The following MYO16 variants were observed in gnomAD, a reference collection of about 807,000 sequenced individuals.
The protein encoded by MYO16 is unconventional myosin-XVI.
Under a neutral mutation model 205.3 loss-of-function variants are expected in MYO16, and 94 were observed. That is an observed-to-expected ratio of 0.46 (90% CI 0.39 to 0.54). The LOEUF is 0.54. Among genes scored for constraint, MYO16 ranks in the 20% least tolerant of loss-of-function variants. MYO16 has a pLI of 0.00. For missense variants in MYO16, 2,315 were observed against 2,387.5 expected (o/e 0.97, Z 0.63); for synonymous variants, 988 against 954.0 (o/e 1.04, Z -0.66).
chr13:108,895,742 C>G (rs1170843537), intron 14 of MYO16, among the ~76,000 whole-genome samples: 1 of 152,228 alleles, frequency 6.6e-6, no homozygotes. Flanking sequence ...AAAATATACA[C>G]TGGTTCCGAG....
At chr13:109,149,407 A>T (rs1877527438) in intron 32 of MYO16, among the ~76,000 whole-genome samples, 1 of 152,170 alleles carries the variant, frequency 6.6e-6, no homozygotes, top group Non-Finnish European at 1.5e-5. Flanking sequence ...GAGCAATCTG[A>T]GACTTTGAGG....
intron 15 of MYO16, among the ~76,000 whole-genome samples, chr13:108,901,474 G>A (rs903320439): frequency 1.3e-5 from 2 of 152,286 alleles, no homozygotes; most frequent in Middle Eastern, 3.4e-3. Context: ...AATATCGGGG[G>A]TGAATTTCAC....
intron 27 of MYO16, among the ~76,000 whole-genome samples, chr13:109,064,909 AT>A (rs2139634631): frequency 6.6e-6 from 1 of 152,346 alleles, no homozygotes; most frequent in South Asian, 2.1e-4. Flanking sequence ...GTATTGGACC[AT>A]CCCCAAACTC....
intron 15 of MYO16, among the ~76,000 whole-genome samples, 166 bp downstream of exon 15, chr13:108,898,299 G>A (rs1880528844): frequency 1.3e-5 from 2 of 151,020 alleles, no homozygotes; most frequent in African/African-American, 4.9e-5. Flanking sequence ...TGGAAAGTTT[G>A]TATTACATTA....
At chr13:108,932,390 T>C (rs1377967488) in intron 16 of MYO16, among the ~76,000 whole-genome samples, 2 of 152,204 alleles carry the variant, frequency 1.3e-5, no homozygotes, top group South Asian at 2.1e-4. Context: ...TGACTTGGTA[T>C]TCCTCATTGG....
chr13:108,653,242 T>C (rs1425682697), intron 1 of MYO16, among the ~76,000 whole-genome samples: 1 of 152,228 alleles, frequency 6.6e-6, no homozygotes, highest in African/African-American at 2.4e-5. Context: ...TTATTTGATT[T>C]TTTGTTGCTG....
intron 32 of MYO16, among the ~76,000 whole-genome samples, chr13:109,158,078 C>T (rs1174562298): frequency 1.3e-5 from 2 of 152,160 alleles, no homozygotes; most frequent in South Asian, 2.1e-4. Flanking sequence ...ATAGTTTGCT[C>T]ATGGTCCACC....
At chr13:108,730,863 T>C (rs977866498) in intron 4 of MYO16, among the ~76,000 whole-genome samples, 1 of 152,248 alleles carries the variant, frequency 6.6e-6, no homozygotes, top group Non-Finnish European at 1.5e-5. Context: ...TCCTTCTCTG[T>C]ACTTTTATTT....
At position 109,127,286 on chromosome 13, in the gene MYO16, G is replaced by A; in HGVS notation, c.3787G>A (p.Asp1263Asn). ...NMQEEGSKRT[D>N]DKSGPRHFHP... ...TGTGTTTTGTTTCCCCCTAAGAACCGATGACAAGAGTGGACCCAGGCATTT... is the reference window on the plus strand; with the variant it reads ...TGTGTTTTGTTTCCCCCTAAGAACCAATGACAAGAGTGGACCCAGGCATTT... The change falls in exon 31 of 35, where the codon GAT becomes AAT. Residue 1263 changes from aspartate to asparagine, a missense_variant. Transcript: ENST00000457511. The surrounding 1 kb of genome is among the most constrained non-coding windows in gnomAD (Gnocchi z 4.2). 1.3e-6 allele frequency: 2 copies of A among 1,580,556 alleles called. No individual in the cohort carries two copies. The highest frequency in any genetic ancestry group is 1.7e-6 in the Non-Finnish European group (2 of 1,158,254).
At chr13:109,173,346 A>G (rs1414348315) in intron 33 of MYO16, among the ~76,000 whole-genome samples, 2 of 152,190 alleles carry the variant, frequency 1.3e-5, no homozygotes, top group Admixed American at 1.3e-4. Context: ...CCCATAAATA[A>G]TGATTACTCT....
At chr13:108,939,970 C>T (rs574690264) in intron 16 of MYO16, among the ~76,000 whole-genome samples, 168 of 152,208 alleles carry the variant, frequency 1.1e-3, no homozygotes, top group Non-Finnish European at 1.9e-3. Flanking sequence ...CAGTATCTCA[C>T]CTGGTTAAAT....
intron 22 of MYO16, among the ~76,000 whole-genome samples, chr13:109,009,367 A>T (rs1195762725): frequency 6.6e-6 from 1 of 152,204 alleles, no homozygotes; most frequent in Non-Finnish European, 1.5e-5. Flanking sequence ...TTATAAAATA[A>T]TACCTAAGAT....
At chr13:109,138,241 C>A (rs573266992) in intron 31 of MYO16, among the ~76,000 whole-genome samples, 1 of 152,286 alleles carries the variant, frequency 6.6e-6, no homozygotes, top group African/African-American at 2.4e-5. Context: ...ACAGCTGCCT[C>A]AGTTAAATAA....
At chr13:109,134,330 G>A (rs751946682) in intron 31 of MYO16, among the ~76,000 whole-genome samples, 3 of 152,126 alleles carry the variant, frequency 2.0e-5, no homozygotes, top group Non-Finnish European at 2.9e-5. Context: ...GCTCTTCACC[G>A]CATCTGAATC....
intron 27 of MYO16, among the ~76,000 whole-genome samples, chr13:109,080,311 TA>T (rs1888243931): frequency 6.6e-6 from 1 of 152,196 alleles, no homozygotes; most frequent in Admixed American, 6.5e-5. Context: ...GTACAAAAAT[TA>T]ACATAGAGCA....
chr13:109,068,645 G>A (rs1200920869), intron 27 of MYO16, among the ~76,000 whole-genome samples: 2 of 147,400 alleles, frequency 1.4e-5, no homozygotes, highest in East Asian at 4.0e-4. Flanking sequence ...AAGCTGGAGT[G>A]CAATGGCACA....
intron 23 of MYO16, among the ~76,000 whole-genome samples, chr13:109,028,670 G>A (rs1594484578): frequency 6.7e-6 from 1 of 150,160 alleles, no homozygotes; most frequent in Admixed American, 6.7e-5. Flanking sequence ...TAGTGTGCTT[G>A]CAAATACATC....
intron 4 of MYO16, among the ~76,000 whole-genome samples, chr13:108,735,846 G>A (rs570851118): frequency 1.3e-5 from 2 of 152,044 alleles, no homozygotes; most frequent in Middle Eastern, 3.4e-3. Context: ...TAACTGGTGT[G>A]AGATGGTATC....
intron 1 of MYO16, among the ~76,000 whole-genome samples, chr13:108,652,109 T>A (rs1043592078): frequency 1.3e-5 from 2 of 152,302 alleles, no homozygotes; most frequent in East Asian, 3.9e-4. Context: ...ATAAAACTTC[T>A]GCTAGAGGAG....
Sources: gnomAD v4.1 joint callset for allele counts (sites outside exome capture counted in the v4.1 genomes callset) on GRCh38, gnomAD v4.1.1 for gene constraint, Gnocchi (gnomAD v3.1) non-coding constraint, MANE v1.5 for transcripts, NCBI Gene and HGNC (gene_info 2026-07-23, HGNC 2026-07-21) for gene names.